Variants in ZDHHC21 observed in about 807,000 individuals in gnomAD.
The protein encoded by ZDHHC21 is palmitoyltransferase ZDHHC21.
A neutral mutation model predicts 34.6 loss-of-function variants in ZDHHC21; 15 were observed. The observed-to-expected ratio is 0.43, with a 90% CI of 0.29 to 0.67. ZDHHC21 has a LOEUF of 0.67. ZDHHC21 is among the 30% of genes least tolerant of loss of function. The probability of loss-of-function intolerance (pLI) is 0.14; values close to 1 mark genes in which losing one functional copy is unlikely to be tolerated. For missense variants in ZDHHC21, 344 were observed against 327.7 expected, an observed-to-expected ratio of 1.05 and a Z score of -0.38; for synonymous variants, 142 against 101.8, an observed-to-expected ratio of 1.40 and a Z score of -2.38.
Position 14,655,521 on chromosome 9 carries a change from T to A in ZDHHC21, c.504+3228A>T, listed in dbSNP as rs149160474. 1.7e-3 allele frequency among the ~76,000 whole-genome samples: 261 copies of A among 152,116 alleles called. 1 individual carries two copies. The highest frequency in any genetic ancestry group is 5.7e-3 in the African/African-American group (237 of 41,574). ...GTCTTGTTATCATGTGATTTTTTTCTACATCTACCTTCTACCCCAAAATAT... is the reference window on the plus strand; with the variant it reads ...GTCTTGTTATCATGTGATTTTTTTCAACATCTACCTTCTACCCCAAAATAT... On this transcript the variant is annotated intron_variant, in intron 7 of 9. Coordinates refer to ENST00000380916, the MANE Select transcript of ZDHHC21 (RefSeq NM_178566.6).
At chr9:14,656,651 G>C (rs532959616) in intron 7 of ZDHHC21, among the ~76,000 whole-genome samples, 2 of 151,878 alleles carry the variant, frequency 1.3e-5, no homozygotes, top group African/African-American at 4.8e-5. Context: ...TAGGCTAAGA[G>C]AACGATTTCT....
At chr9:14,600,108 C>T in the ZDHHC21 span, among the ~76,000 whole-genome samples, 1 of 152,164 alleles carries the variant, frequency 6.6e-6, no homozygotes, top group African/African-American at 2.4e-5. Context: ...GACAAAGATG[C>T]CCTTTCTCAC....
At chr9:14,631,845 T>C (rs1284647844) in intron 8 of ZDHHC21, among the ~76,000 whole-genome samples, 1 of 152,106 alleles carries the variant, frequency 6.6e-6, no homozygotes, top group Non-Finnish European at 1.5e-5. Context: ...CGGGCGCAGT[T>C]TGTGGTGCCC....
chr9:14,686,386 C>T (rs1164217357), intron 2 of ZDHHC21, among the ~76,000 whole-genome samples: 1 of 151,996 alleles, frequency 6.6e-6, no homozygotes, highest in African/African-American at 2.4e-5. Context: ...AACCATTCTC[C>T]AAGACAGGGA....
At chr9:14,658,137 T>G (rs1338924238) in intron 7 of ZDHHC21, among the ~76,000 whole-genome samples, 1 of 152,350 alleles carries the variant, frequency 6.6e-6, no homozygotes, top group South Asian at 2.1e-4. Flanking sequence ...TTTTTATTCC[T>G]GAAAAGAAAC....
chr9:14,641,581 C>G (rs1055461545), intron 7 of ZDHHC21, among the ~76,000 whole-genome samples: 2 of 152,074 alleles, frequency 1.3e-5, no homozygotes, highest in African/African-American at 2.4e-5. Context: ...ACACAAAACA[C>G]ACTCACCCGT....
chr9:14,661,699 T>C (rs562812589), intron 6 of ZDHHC21, among the ~76,000 whole-genome samples: 3 of 152,330 alleles, frequency 2.0e-5, no homozygotes, highest in African/African-American at 7.2e-5. Context: ...AATCAGCTAA[T>C]TATCACTCAC....
rs984508491 is a variant in ZDHHC21, at chr9:14,612,778, T to C, written c.*6188A>G. The C allele has an allele frequency of 6.6e-6, 1 of 151,398 alleles. No individual in the cohort carries two copies. Among genetic ancestry groups the C allele is most frequent in the Non-Finnish European group, 1.5e-5 (1 of 67,790 alleles). 9.4% of individuals were successfully genotyped at this position (151,398 alleles called of 1,614,324 possible). A position where few individuals can be genotyped will look rare whatever the true frequency, so the allele number is the denominator to read the frequency against. ...TGTACACATACATATATTTTAAAGG[T>C]GTTCTGTTATCTTTATTTGCAAAGT... is the stretch of plus-strand genomic sequence containing the variant. On this transcript the variant is annotated 3_prime_UTR_variant, in exon 10 of 10. Coordinates refer to ENST00000380916, the MANE Select transcript of ZDHHC21 (RefSeq NM_178566.6).
rs959154999 is a variant in ZDHHC21 at position 14,690,208 on chromosome 9, C to T, written c.-176+129G>A. The T allele has an allele frequency of 3.0e-4, 103 of 342,008 alleles. 3 individuals are homozygous for T. In the Admixed American group the frequency reaches 4.4e-3, roughly 15 times the overall value. 21.2% of individuals were successfully genotyped at this position (342,008 alleles called of 1,614,324 possible). A position where few individuals can be genotyped will look rare whatever the true frequency, so the allele number is the denominator to read the frequency against. On this transcript the variant is annotated intron_variant, in intron 2 of 9. Coordinates refer to ENST00000380916, the MANE Select transcript of ZDHHC21 (RefSeq NM_178566.6). ...GAAGCCTGCTACTTACCTTCTAGTA[C>T]CCACCACACCAAGAGAGATTGGTGG... is the stretch of plus-strand genomic sequence containing the variant.
At chr9:14,681,411 T>A (rs934275427) in intron 2 of ZDHHC21, among the ~76,000 whole-genome samples, 1 of 152,092 alleles carries the variant, frequency 6.6e-6, no homozygotes, top group Non-Finnish European at 1.5e-5. Context: ...AAATGTACAA[T>A]GCTGGTCATA....
chr9:14,607,418 T>C (rs1823046879), downstream of ZDHHC21, among the ~76,000 whole-genome samples: 1 of 152,128 alleles, frequency 6.6e-6, no homozygotes, highest in African/African-American at 2.4e-5. Flanking sequence ...AAAAAAGTTA[T>C]TATATGTTAA....
downstream of ZDHHC21, among the ~76,000 whole-genome samples, chr9:14,606,759 CA>C (rs1399385795): frequency 6.6e-6 from 1 of 151,776 alleles, no homozygotes; most frequent in African/African-American, 2.4e-5. Context: ...AAATAATACC[CA>C]GGAAATATAT....
chr9:14,673,899 A>C (rs1835896650), intron 4 of ZDHHC21, among the ~76,000 whole-genome samples: 1 of 152,018 alleles, frequency 6.6e-6, no homozygotes, highest in African/African-American at 2.4e-5. Context: ...CAATAATAAA[A>C]ATACAGAGAG....
At chr9:14,691,860 C>T (rs776012169) in intron 1 of ZDHHC21, among the ~76,000 whole-genome samples, 1 of 152,140 alleles carries the variant, frequency 6.6e-6, no homozygotes, top group African/African-American at 2.4e-5. Context: ...TACCTTCAAA[C>T]CACGTTAAAG....
At chr9:14,642,601 A>G (rs529156749) in intron 7 of ZDHHC21, among the ~76,000 whole-genome samples, 124 of 152,334 alleles carry the variant, frequency 8.1e-4, no homozygotes, top group African/African-American at 2.8e-3. Flanking sequence ...TGGTTCCCTT[A>G]TAAGAAGAGG....
At chr9:14,687,727 A>C (rs1308929580) in intron 2 of ZDHHC21, among the ~76,000 whole-genome samples, 1 of 150,926 alleles carries the variant, frequency 6.6e-6, no homozygotes, top group African/African-American at 2.5e-5. Flanking sequence ...CATTCAAAAA[A>C]TTGGAACAAC....
At chr9:14,660,798 C>A (rs1833249630) in intron 6 of ZDHHC21, among the ~76,000 whole-genome samples, 1 of 152,024 alleles carries the variant, frequency 6.6e-6, no homozygotes, top group Admixed American at 6.6e-5. Context: ...CTAGTTCTTT[C>A]TTACTACTGC....
At chr9:14,658,203 C>G (rs943430345) in intron 7 of ZDHHC21, among the ~76,000 whole-genome samples, 7 of 152,068 alleles carry the variant, frequency 4.6e-5, no homozygotes, top group African/African-American at 7.2e-5. Flanking sequence ...CCAAGACACA[C>G]GTATTGAAAG....
chr9:14,635,315 C>A (rs1419664250), intron 8 of ZDHHC21, among the ~76,000 whole-genome samples: 1 of 152,114 alleles, frequency 6.6e-6, no homozygotes, highest in African/African-American at 2.4e-5. Context: ...ATCAAGACAC[C>A]TAAGTATAGG....
Sources: allele counts gnomAD v4.1 joint callset (sites outside exome capture counted in the v4.1 genomes callset), GRCh38; gene constraint gnomAD v4.1.1; transcripts MANE v1.5; gene names NCBI Gene and HGNC (gene_info 2026-07-23, HGNC 2026-07-21).